Variants in CDH18 observed in about 807,000 individuals in gnomAD.
CDH18 encodes the protein cadherin 18, also known as cadherin-18.
Under a neutral mutation model 67.9 loss-of-function variants are expected in CDH18, and 31 were observed. The ratio of observed to expected loss-of-function variants is 0.46; its 90% CI spans 0.34 to 0.62. CDH18 has a LOEUF of 0.62. CDH18 is among the 20% of genes least tolerant of loss of function. The pLI is 0.01. For missense variants in CDH18, 890 were observed against 975.5 expected (o/e 0.91, Z 1.17); for synonymous variants, 362 against 347.2 (o/e 1.04, Z -0.48).
chr5:20,268,838 G>A (rs1434378475), intron 1 of CDH18, among the ~76,000 whole-genome samples: 1 of 152,126 alleles, frequency 6.6e-6, no homozygotes, highest in African/African-American at 2.4e-5. Flanking sequence ...TTATGACTAA[G>A]ACTGCATAAG....
intron 2 of CDH18, among the ~76,000 whole-genome samples, chr5:19,840,666 T>C (rs1290666191): frequency 1.3e-5 from 2 of 151,954 alleles, no homozygotes; most frequent in African/African-American, 2.4e-5. Context: ...CATGCCATTG[T>C]ACTCCAGCCT....
At chr5:19,586,983 T>G (rs1393287316) in intron 7 of CDH18, among the ~76,000 whole-genome samples, 1 of 152,196 alleles carries the variant, frequency 6.6e-6, no homozygotes, top group Non-Finnish European at 1.5e-5. Flanking sequence ...TTTTCATATG[T>G]TTGTTGACTG....
At chr5:20,142,474 G>C (rs759772917) in intron 2 of CDH18, among the ~76,000 whole-genome samples, 3 of 151,948 alleles carry the variant, frequency 2.0e-5, no homozygotes, top group Non-Finnish European at 4.4e-5. Context: ...CAACTATTTG[G>C]GTGGCAGAGG....
chr5:20,278,963 T>C (rs1045330199), intron 1 of CDH18, among the ~76,000 whole-genome samples: 1 of 151,928 alleles, frequency 6.6e-6, no homozygotes, highest in African/African-American at 2.4e-5. Flanking sequence ...TTCATGTACC[T>C]AGATTGGAAG....
At chr5:20,446,146 G>A (rs904812867) in intron 1 of CDH18, among the ~76,000 whole-genome samples, 1 of 152,086 alleles carries the variant, frequency 6.6e-6, no homozygotes, top group Non-Finnish European at 1.5e-5. Context: ...AATGAACTTA[G>A]GGTCAACTCG....
intron 2 of CDH18, among the ~76,000 whole-genome samples, chr5:20,045,798 T>C (rs1740844456): frequency 6.6e-6 from 1 of 151,982 alleles, no homozygotes; most frequent in Admixed American, 6.6e-5. Context: ...CTGGTGTCCC[T>C]GCCATAGAGA....
At chr5:19,531,152 T>C (rs914955597) in intron 9 of CDH18, among the ~76,000 whole-genome samples, 1 of 152,178 alleles carries the variant, frequency 6.6e-6, no homozygotes, top group Non-Finnish European at 1.5e-5. Flanking sequence ...ACTCACTAAA[T>C]ACAGCGTTCA....
At chr5:20,341,894 A>G (rs193048728) in intron 1 of CDH18, among the ~76,000 whole-genome samples, 1 of 152,216 alleles carries the variant, frequency 6.6e-6, no homozygotes, top group Non-Finnish European at 1.5e-5. Context: ...TACACATAAT[A>G]CCTTTGATCA....
chr5:20,315,101 G>A (rs1737343682), intron 1 of CDH18, among the ~76,000 whole-genome samples: 1 of 151,864 alleles, frequency 6.6e-6, no homozygotes. Context: ...ATATGTTTAG[G>A]AACAAACAAA....
intron 3 of CDH18, among the ~76,000 whole-genome samples, chr5:19,762,541 T>C (rs900969983): frequency 6.6e-6 from 1 of 151,586 alleles, no homozygotes; most frequent in Non-Finnish European, 1.5e-5. Flanking sequence ...ACCACACCAG[T>C]GGTTTTGATA....
intron 2 of CDH18, among the ~76,000 whole-genome samples, chr5:20,060,450 C>T (rs187099704): frequency 6.0e-4 from 91 of 151,030 alleles, no homozygotes; most frequent in African/African-American, 2.1e-3. Flanking sequence ...GGTGACAAAG[C>T]GAGATTCTGT....
chr5:19,481,419 G>A (rs1419244545), intron 12 of CDH18, among the ~76,000 whole-genome samples: 1 of 152,070 alleles, frequency 6.6e-6, no homozygotes, highest in Non-Finnish European at 1.5e-5. Flanking sequence ...CTTTTCCTCA[G>A]GTCTGTTATA....
At chr5:20,067,254 G>T (rs1043626765) in intron 2 of CDH18, among the ~76,000 whole-genome samples, 1 of 151,494 alleles carries the variant, frequency 6.6e-6, no homozygotes, top group Non-Finnish European at 1.5e-5. Flanking sequence ...GCAGACTGTA[G>T]TATTTTAGAC....
At chr5:19,770,149 G>T (rs1352427412) in intron 3 of CDH18, among the ~76,000 whole-genome samples, 1 of 151,964 alleles carries the variant, frequency 6.6e-6, no homozygotes, top group East Asian at 1.9e-4. Flanking sequence ...ATTTTGATAA[G>T]CATTTGTCAA....
chr5:19,735,312 C>T (rs180983082), intron 4 of CDH18, among the ~76,000 whole-genome samples: 75 of 151,768 alleles, frequency 4.9e-4, no homozygotes, highest in Non-Finnish European at 1.0e-3. Flanking sequence ...AACATAAGTG[C>T]TGCTCTTATA....
At chr5:20,057,890 C>T (rs894227103) in intron 2 of CDH18, among the ~76,000 whole-genome samples, 1 of 152,052 alleles carries the variant, frequency 6.6e-6, no homozygotes, top group South Asian at 2.1e-4. Context: ...TGTGCAATAA[C>T]TTTTAAGATT....
At position 20,406,440 on chromosome 5, in the gene CDH18, G is replaced by C. The variant is rs533492630; in HGVS notation, c.-579-150935C>G. On this transcript the variant is annotated intron_variant, in intron 1 of 14. Coordinates refer to the CDH18 transcript ENST00000507958. Reference sequence around the variant, plus strand: ...ACACCCCGGGGCCTGTTGTGGGGGAGGGGGGAGGGATAGCATTAGGAAATA... The same window carrying C: ...ACACCCCGGGGCCTGTTGTGGGGGACGGGGGAGGGATAGCATTAGGAAATA... Among the ~76,000 whole-genome samples, 57 of 150,712 alleles carry C rather than the reference G, an allele frequency of 3.8e-4. No individual in the cohort carries two copies. The East Asian group carries it at 4.7e-3, about 13-fold the overall frequency.
intron 1 of CDH18, among the ~76,000 whole-genome samples, chr5:20,524,123 C>T (rs17234841): frequency 6.6e-6 from 1 of 152,028 alleles, no homozygotes; most frequent in Non-Finnish European, 1.5e-5. Context: ...TTGTTACTCA[C>T]ATTCACATAG....
At chr5:20,011,378 T>C (rs1737422212) in intron 2 of CDH18, among the ~76,000 whole-genome samples, 1 of 152,168 alleles carries the variant, frequency 6.6e-6, no homozygotes, top group African/African-American at 2.4e-5. Context: ...GTTTTCTACA[T>C]ATGGGATCAT....
Sources: gnomAD v4.1 joint callset for allele counts (sites outside exome capture counted in the v4.1 genomes callset) on GRCh38, gnomAD v4.1.1 for gene constraint, MANE v1.5 for transcripts, NCBI Gene and HGNC (gene_info 2026-07-23, HGNC 2026-07-21) for gene names.